ATPSCKMT: variants seen among roughly 807,000 people sequenced by gnomAD.
ATPSCKMT encodes ATP synthase c subunit lysine N-methyltransferase, also known as ATP synthase subunit C lysine N-methyltransferase.
ATPSCKMT carries 24 observed loss-of-function variants against 24.3 expected under a neutral mutation model. That is an observed-to-expected ratio of 0.99 (90% CI 0.71 to 1.39). The LOEUF (loss-of-function observed/expected upper bound fraction) is 1.39, where lower values mean the gene tolerates loss of function less well. Ranked by LOEUF, ATPSCKMT falls within the 40% of genes most tolerant of loss-of-function variation. The probability of loss-of-function intolerance (pLI) is 0.00; values close to 1 mark genes in which losing one functional copy is unlikely to be tolerated. For synonymous variants in ATPSCKMT, 95 were observed against 110.5 expected (o/e 0.86, Z 0.88); for missense variants, 311 against 298.4 (o/e 1.04, Z -0.31).
At chr5:10,236,918 C>G (rs1024320725) in intron 2 of ATPSCKMT, 1 of 1,369,844 alleles carries the variant, frequency 7.3e-7, no homozygotes, top group Admixed American at 2.2e-5. Flanking sequence ...CCGGGGAGGT[C>G]GAACAAAACA....
chr5:10,249,785 T>G lies in ATPSCKMT; in HGVS notation c.16+73A>C, dbSNP rs1409427860. Reference sequence around the variant, plus strand: ...CCGCCTCGACAGTGGAGACCTCAGCTGACCGCGAGCCCCCGGCCCGCCCGC... The same window carrying G: ...CCGCCTCGACAGTGGAGACCTCAGCGGACCGCGAGCCCCCGGCCCGCCCGC... On this transcript the variant is annotated intron_variant, in intron 1 of 4. Transcript: ENST00000511437. 2.0e-6 allele frequency: 3 copies of G among 1,526,920 alleles called. No individual in the cohort carries two copies. In the African/African-American group the frequency reaches 4.3e-5, roughly 22 times the overall value. 94.6% of individuals were successfully genotyped at this position (1,526,920 alleles called of 1,614,324 possible).
chr5:10,235,609 C>T (rs1350961683), intron 3 of ATPSCKMT, among the ~76,000 whole-genome samples: 2 of 152,154 alleles, frequency 1.3e-5, no homozygotes, highest in Non-Finnish European at 2.9e-5. Context: ...ACCGGGGCCA[C>T]GTGTTCCCGC....
intron 1 of ATPSCKMT, among the ~76,000 whole-genome samples, chr5:10,244,074 G>A (rs779909152): frequency 2.2e-4 from 34 of 152,202 alleles, no homozygotes; most frequent in Admixed American, 2.2e-3. Context: ...TTTCAATGTT[G>A]TTGTGTCTCA....
At chr5:10,236,716 A>G in intron 2 of ATPSCKMT, 101 bp from the exon 3 acceptor site, 1 of 1,519,672 alleles carries the variant, frequency 6.6e-7, no homozygotes, top group Non-Finnish European at 8.8e-7. Context: ...ACATCCAATC[A>G]AAAAGCACCT....
At chr5:10,239,596 AT>A (rs574880528) in intron 1 of ATPSCKMT, among the ~76,000 whole-genome samples, 32 of 152,184 alleles carry the variant, frequency 2.1e-4, no homozygotes, top group Non-Finnish European at 3.7e-4. Flanking sequence ...CAAAGTACTG[AT>A]TTTTTGTGTG....
At chr5:10,246,778 G>A (rs903013318) in intron 1 of ATPSCKMT, among the ~76,000 whole-genome samples, 5 of 152,144 alleles carry the variant, frequency 3.3e-5, no homozygotes, top group African/African-American at 7.2e-5. Flanking sequence ...TGTTCTTCAC[G>A]GCCTCCCATC....
rs1273302930 is a variant in ATPSCKMT at position 10,228,191 on chromosome 5, C to CA, written c.496-545dup. Among the ~76,000 whole-genome samples the CA allele has an allele frequency of 3.3e-5, 5 of 152,262 alleles. No individual in the cohort carries two copies. The East Asian group carries it at 9.7e-4, about 29-fold the overall frequency. ...ATCTCTGAAATCAGGACACATCACA[C>CA]AACACTAATTGTCTTAGAATTATAA... On this transcript the variant is annotated intron_variant, in intron 4 of 4. Transcript: ENST00000511437.
rs1744411685 is a variant in ATPSCKMT, at chr5:10,237,109, A to G, written c.307-494T>C. On this transcript the variant is annotated intron_variant, in intron 2 of 4. Transcript: ENST00000511437. ...GTTAATGACTGTTTACTCAAAACTGAAAACAGGTAAAAGTAAAATGAAATG... is the reference window on the plus strand; with the variant it reads ...GTTAATGACTGTTTACTCAAAACTGGAAACAGGTAAAAGTAAAATGAAATG... 13 of 1,009,020 alleles carry G rather than the reference A, an allele frequency of 1.3e-5. No homozygotes were observed. The South Asian group carries it at 1.3e-4, about 10-fold the overall frequency. 62.5% of individuals were successfully genotyped at this position (1,009,020 alleles called of 1,614,324 possible).
At chr5:10,238,279 A>G (rs572287804) in intron 2 of ATPSCKMT, among the ~76,000 whole-genome samples, 1 of 151,862 alleles carries the variant, frequency 6.6e-6, no homozygotes, top group Non-Finnish European at 1.5e-5. Context: ...ACACAATTTT[A>G]TAAGTAAAAA....
chr5:10,249,163 G>A (rs1745143563), intron 1 of ATPSCKMT, among the ~76,000 whole-genome samples: 1 of 151,792 alleles, frequency 6.6e-6, no homozygotes, highest in African/African-American at 2.4e-5. Context: ...CAGCTGCCTG[G>A]GAGGCTGAGG....
intron 1 of ATPSCKMT, among the ~76,000 whole-genome samples, chr5:10,247,631 T>C (rs566809509): frequency 7.0e-4 from 106 of 152,350 alleles, no homozygotes; most frequent in African/African-American, 2.4e-3. Flanking sequence ...AGGACCTGTA[T>C]TGATTCTTAT....
rs192502764 is a variant in ATPSCKMT at position 10,236,291 on chromosome 5, T to C, written c.444+187A>G. 7 of 559,736 alleles carry C rather than the reference T, an allele frequency of 1.3e-5. No individual in the cohort carries two copies. The East Asian group carries it at 2.4e-4, about 19-fold the overall frequency. The allele number at this position is 559,736 out of a possible 1,614,324, so 34.7% of individuals were successfully genotyped here. ...TTCACAAGACCTATCATATAAAAAC[T>C]TTAAGCTTCTCTCTAAAGGAGACTA... On this transcript the variant is annotated intron_variant, in intron 3 of 4. Transcript: ENST00000511437.
At chr5:10,238,264 T>C (rs1456182883) in intron 2 of ATPSCKMT, among the ~76,000 whole-genome samples, 5 of 152,244 alleles carry the variant, frequency 3.3e-5, no homozygotes, top group South Asian at 2.1e-4. Flanking sequence ...GGTATGTGTA[T>C]CTTAACACAA....
Position 10,227,253 on chromosome 5 carries a change from T to C in ATPSCKMT, c.*188A>G, listed in dbSNP as rs1743918882. 9.6e-6 allele frequency: 6 copies of C among 625,290 alleles called. No homozygotes were observed. Among genetic ancestry groups the C allele is most frequent in the East Asian group, 2.9e-5 (1 of 34,776 alleles). The allele number at this position is 625,290 out of a possible 1,614,324, so 38.7% of individuals were successfully genotyped here. A position where few individuals can be genotyped will look rare whatever the true frequency, so the allele number is the denominator to read the frequency against. ...GCAGTAAGTACAATTTTTAAGAAAA[T>C]AGCATCAAAAGCAGATTTTAAATCT... On this transcript the variant is annotated 3_prime_UTR_variant, in exon 5 of 5. Transcript: ENST00000511437.
chr5:10,247,017 T>C (rs1489826935), intron 1 of ATPSCKMT, among the ~76,000 whole-genome samples: 5 of 152,014 alleles, frequency 3.3e-5, no homozygotes, highest in Non-Finnish European at 7.4e-5. Flanking sequence ...GAGCACAGAG[T>C]GAGAGACAAA....
At chr5:10,236,735 T>A (rs570311876) in intron 2 of ATPSCKMT, 120 bp from the exon 3 acceptor site, 1 of 1,479,394 alleles carries the variant, frequency 6.8e-7, no homozygotes, top group African/African-American at 1.4e-5. Context: ...CTCCCGTGAC[T>A]AAGACATCAT....
At chr5:10,238,219 G>A (rs1482780921) in intron 2 of ATPSCKMT, among the ~76,000 whole-genome samples, 3 of 152,106 alleles carry the variant, frequency 2.0e-5, no homozygotes, top group Admixed American at 6.5e-5. Context: ...ACCCCGAACC[G>A]TACACCTGCA....
In ATPSCKMT at chr5:10,225,716, C is replaced by A. The variant is rs1422778593; in HGVS notation, c.*1725G>T. On this transcript the variant is annotated 3_prime_UTR_variant, in exon 5 of 5. Transcript: ENST00000511437. Reference sequence around the variant, plus strand: ...ACCTCCCACCAGGTCCTTCCCACAACACGTGGGAATTCAAGATGAGATTTG... The same window carrying A: ...ACCTCCCACCAGGTCCTTCCCACAAAACGTGGGAATTCAAGATGAGATTTG... Among the ~76,000 whole-genome samples the A allele has an allele frequency of 1.3e-5, 2 of 152,168 alleles. No individual in the cohort carries two copies. The highest frequency in any genetic ancestry group is 4.8e-5 in the African/African-American group (2 of 41,438).
chr5:10,249,298 T>C (rs1235254922), intron 1 of ATPSCKMT: 1 of 151,356 alleles, frequency 6.6e-6, no homozygotes, highest in African/African-American at 2.4e-5. Flanking sequence ...TGGGACCCAT[T>C]GCATCAGGCT....
Sources: allele counts gnomAD v4.1 joint callset (sites outside exome capture counted in the v4.1 genomes callset), GRCh38; gene constraint gnomAD v4.1.1; transcripts MANE v1.5; gene names NCBI Gene and HGNC (gene_info 2026-07-23, HGNC 2026-07-21).